The following IL1RAPL1 variants were observed in gnomAD, a reference collection of about 807,000 sequenced individuals.
IL1RAPL1 encodes interleukin-1 receptor accessory protein-like 1.
A neutral mutation model predicts 48.4 loss-of-function variants in IL1RAPL1; 3 were observed. The observed-to-expected ratio is 0.06, with a 90% CI of 0.03 to 0.16. IL1RAPL1 has a LOEUF of 0.16. Among genes scored for constraint, IL1RAPL1 ranks in the 10% least tolerant of loss-of-function variants. The pLI is 1.00. For missense variants in IL1RAPL1, 349 were observed against 530.6 expected (o/e 0.66, Z 3.36); for synonymous variants, 185 against 187.7 (o/e 0.99, Z 0.12).
At chrX:29,381,513 A>AAAAAAAAC (rs1933699030) in intron 3 of IL1RAPL1, among the ~76,000 whole-genome samples, 1 of 92,389 alleles carries the variant, frequency 1.1e-5, no homozygotes, top group Non-Finnish European at 2.1e-5. Context: ...AAAAAAAAAA[A>AAAAAAAAC]AAAAAAAAAA....
At chrX:29,584,363 T>C (rs767135265) in intron 5 of IL1RAPL1, among the ~76,000 whole-genome samples, 1 of 111,612 alleles carries the variant, frequency 9.0e-6, no homozygotes, top group Non-Finnish European at 1.9e-5. Flanking sequence ...CTTTCTTGAC[T>C]CCAATTTCCA....
rs1462684649 is a variant in IL1RAPL1 at position 28,786,744 on chromosome X, A to G, written c.-24-2576A>G. Among the ~76,000 whole-genome samples the G allele has an allele frequency of 2.7e-5, 3 of 111,931 alleles. No individual in the cohort carries two copies. The East Asian group carries it at 8.5e-4, about 32-fold the overall frequency. On this transcript the variant is annotated intron_variant, in intron 1 of 10. Coordinates refer to ENST00000378993, the MANE Select transcript of IL1RAPL1 (RefSeq NM_014271.4). ...AAATGGTGAATGGTATTGACAGGAA[A>G]CAGGCAACTGGTTTCAGGTCCATTT...
chrX:29,562,202 GT>G (rs1459921309), intron 5 of IL1RAPL1, among the ~76,000 whole-genome samples: 1 of 105,514 alleles, frequency 9.5e-6, no homozygotes, highest in African/African-American at 3.5e-5. Flanking sequence ...GTCTTACTGT[GT>G]TGCCCAGGCT....
At chrX:29,668,079 T>TAACA (rs1205672278) in intron 5 of IL1RAPL1, among the ~76,000 whole-genome samples, 2 of 112,204 alleles carry the variant, frequency 1.8e-5, no homozygotes, top group Admixed American at 9.4e-5. Context: ...TAGCTTTAAT[T>TAACA]AACACAGAAA....
chrX:29,333,442 G>A (rs1252764402), intron 3 of IL1RAPL1, among the ~76,000 whole-genome samples: 3 of 96,079 alleles, frequency 3.1e-5, no homozygotes, highest in Non-Finnish European at 6.6e-5. Context: ...GGGGCGGCTG[G>A]CCGGGCAGAG....
At chrX:28,919,487 A>G (rs1923566115) in intron 2 of IL1RAPL1, among the ~76,000 whole-genome samples, 1 of 112,450 alleles carries the variant, frequency 8.9e-6, no homozygotes, top group Non-Finnish European at 1.9e-5. Context: ...ATAGAATTGA[A>G]AACTATAGAG....
chrX:29,609,893 G>A (rs4829114), intron 5 of IL1RAPL1, among the ~76,000 whole-genome samples: 22,809 of 110,593 alleles, frequency 0.21, 2,185 homozygotes, highest in South Asian at 0.43. Flanking sequence ...GAACCTCCCA[G>A]TATTTTCAGG....
intron 2 of IL1RAPL1, among the ~76,000 whole-genome samples, chrX:29,110,178 C>G (rs901039885): frequency 2.7e-5 from 3 of 111,944 alleles, no homozygotes; most frequent in African/African-American, 9.7e-5. Flanking sequence ...TCAAGTCCTC[C>G]CATGTTCTCC....
chrX:29,291,570 G>A (rs1932371712), intron 3 of IL1RAPL1, among the ~76,000 whole-genome samples: 4 of 106,661 alleles, frequency 3.8e-5, no homozygotes, highest in African/African-American at 3.4e-5. Context: ...CACACCCCCC[G>A]ACAGACCCCG....
At chrX:28,708,466 A>G (rs1302434102) in intron 1 of IL1RAPL1, among the ~76,000 whole-genome samples, 9 of 111,498 alleles carry the variant, frequency 8.1e-5, no homozygotes, top group Non-Finnish European at 1.7e-4. Context: ...GCTGCTTAAT[A>G]TCCACCCAAA....
intron 5 of IL1RAPL1, among the ~76,000 whole-genome samples, chrX:29,603,563 TTTTTTA>T (rs756139519): frequency 9.0e-6 from 1 of 111,692 alleles, no homozygotes; most frequent in Non-Finnish European, 1.9e-5. Flanking sequence ...CCCAATCAGT[TTTTTTA>T]TTTTTATCTT....
At chrX:29,732,430 T>C (rs1452262733) in intron 6 of IL1RAPL1, among the ~76,000 whole-genome samples, 4 of 111,709 alleles carry the variant, frequency 3.6e-5, no homozygotes, top group Admixed American at 9.6e-5. Flanking sequence ...GATCCATTAG[T>C]GGCTCCATAC....
At chrX:29,918,505 C>CA (rs1186602092) in intron 7 of IL1RAPL1, among the ~76,000 whole-genome samples, 2,090 of 37,474 alleles carry the variant, frequency 0.056, 91 homozygotes, top group African/African-American at 0.15. Flanking sequence ...AACTCTGTCT[C>CA]AAAAAAAAAA....
chrX:29,112,159 A>C (rs1928584853), intron 2 of IL1RAPL1, among the ~76,000 whole-genome samples: 1 of 110,523 alleles, frequency 9.0e-6, no homozygotes, highest in Admixed American at 9.6e-5. Context: ...AGAACTCCTC[A>C]AAGTGATCCG....
At chrX:29,273,873 G>A (rs941195252) in intron 2 of IL1RAPL1, among the ~76,000 whole-genome samples, 1 of 111,534 alleles carries the variant, frequency 9.0e-6, no homozygotes, top group Non-Finnish European at 1.9e-5. Flanking sequence ...TGCCCATCAA[G>A]GCAATCTTCT....
chrX:29,471,190 A>G lies in IL1RAPL1; in HGVS notation c.703+71882A>G, dbSNP rs1403955096. On this transcript the variant is annotated intron_variant, in intron 5 of 10. Transcript: ENST00000378993. ...AAGGAGGGGGTGGGGGAACTTCAGT[A>G]TTTGAAGGGGAAAGAGCAAATAGGA... Among the ~76,000 whole-genome samples the G allele has an allele frequency of 2.7e-5, 3 of 111,146 alleles. No individual in the cohort carries two copies. The East Asian group carries it at 8.5e-4, about 31-fold the overall frequency.
chrX:28,590,853 T>G (rs749427077), intron 1 of IL1RAPL1, among the ~76,000 whole-genome samples: 1 of 112,347 alleles, frequency 8.9e-6, no homozygotes, highest in Non-Finnish European at 1.9e-5. Context: ...AGACACTGGT[T>G]GTGAAGCAAA....
intron 3 of IL1RAPL1, among the ~76,000 whole-genome samples, chrX:29,295,770 A>G (rs1400919208): frequency 9.0e-6 from 1 of 111,245 alleles, no homozygotes; most frequent in Non-Finnish European, 1.9e-5. Flanking sequence ...TATCTACGCT[A>G]TTACAAGCTC....
intron 2 of IL1RAPL1, among the ~76,000 whole-genome samples, chrX:28,833,557 G>C (rs1921126608): frequency 9.0e-6 from 1 of 111,553 alleles, no homozygotes; most frequent in South Asian, 3.7e-4. Flanking sequence ...GTTTTGACTT[G>C]TGTTCCTCTG....
Sources: allele counts gnomAD v4.1 joint callset (sites outside exome capture counted in the v4.1 genomes callset), GRCh38; gene constraint gnomAD v4.1.1; transcripts MANE v1.5; gene names NCBI Gene and HGNC (gene_info 2026-07-23, HGNC 2026-07-21).